PDE1C: variants seen among roughly 807,000 people sequenced by gnomAD.
PDE1C encodes the protein dual specificity calcium/calmodulin-dependent 3',5'-cyclic nucleotide phosphodiesterase 1C.
In PDE1C, 62 loss-of-function variants were observed where a neutral mutation model predicts 93.1. The ratio of observed to expected loss-of-function variants is 0.67; its 90% CI spans 0.54 to 0.82. The LOEUF (loss-of-function observed/expected upper bound fraction) is 0.82. PDE1C is among the 40% of genes least tolerant of loss of function. PDE1C has a pLI of 0.00. For missense variants in PDE1C, 742 were observed against 884.6 expected, an observed-to-expected ratio of 0.84 and a Z score of 2.04; for synonymous variants, 325 against 310.1, an observed-to-expected ratio of 1.05 and a Z score of -0.50.
chr7:32,186,079 G>GTTTTTTT (rs1456318359), intron 2 of PDE1C, among the ~76,000 whole-genome samples: 1 of 90,818 alleles, frequency 1.1e-5, no homozygotes, highest in African/African-American at 4.2e-5. Flanking sequence ...TCCCTAATTT[G>GTTTTTTT]TTTTTTTGTT....
intron 2 of PDE1C, among the ~76,000 whole-genome samples, chr7:31,905,117 T>C (rs1267260570): frequency 6.6e-6 from 1 of 152,138 alleles, no homozygotes; most frequent in Non-Finnish European, 1.5e-5. Flanking sequence ...TTTAATATAA[T>C]GAACACTTAA....
intron 17 of PDE1C, among the ~76,000 whole-genome samples, chr7:31,773,442 C>T (rs756015750): frequency 2.7e-5 from 4 of 146,836 alleles, no homozygotes; most frequent in African/African-American, 1.1e-4. Flanking sequence ...AGAAATCCCA[C>T]CTGATCTAGC....
At chr7:31,950,862 T>C (rs1807272497) in intron 2 of PDE1C, among the ~76,000 whole-genome samples, 1 of 152,194 alleles carries the variant, frequency 6.6e-6, no homozygotes, top group African/African-American at 2.4e-5. Flanking sequence ...AGGTACAGCA[T>C]ATCCTGAGTG....
chr7:31,726,041 A>T, the PDE1C span, among the ~76,000 whole-genome samples: 3 of 152,294 alleles, frequency 2.0e-5, no homozygotes, highest in East Asian at 5.8e-4. Flanking sequence ...TTTTCACGTG[A>T]CTTTTACAGA....
the PDE1C span, chr7:31,655,641 GCAT>G: frequency 1.5e-6 from 1 of 649,938 alleles, no homozygotes; most frequent in Non-Finnish European, 1.9e-6. Flanking sequence ...GCCTCCCACT[GCAT>G]CATCCCTTTT....
chr7:32,345,477 C>T (rs1783834720), intron 1 of PDE1C, among the ~76,000 whole-genome samples: 2 of 152,068 alleles, frequency 1.3e-5, no homozygotes, highest in Non-Finnish European at 2.9e-5. Context: ...AAGCATGAAC[C>T]ATAAGAGAAA....
chr7:31,677,399 C>T, the PDE1C span, among the ~76,000 whole-genome samples: 4 of 152,096 alleles, frequency 2.6e-5, no homozygotes, highest in African/African-American at 9.7e-5. Flanking sequence ...ATGCAAATAC[C>T]TTAAACTATC....
intron 1 of PDE1C, among the ~76,000 whole-genome samples, chr7:32,309,120 A>T (rs1259917657): frequency 6.7e-6 from 1 of 148,870 alleles, no homozygotes; most frequent in African/African-American, 2.5e-5. Context: ...CTCAGGAGCC[A>T]ATGCAATCAA....
intron 2 of PDE1C, among the ~76,000 whole-genome samples, chr7:32,181,861 G>A (rs950991137): frequency 1.3e-5 from 2 of 152,188 alleles, no homozygotes; most frequent in Non-Finnish European, 2.9e-5. Flanking sequence ...GAATCCAGGA[G>A]CTGGTTTTTT....
intron 2 of PDE1C, among the ~76,000 whole-genome samples, chr7:31,997,800 T>G (rs1784909589): frequency 6.6e-6 from 1 of 152,144 alleles, no homozygotes; most frequent in South Asian, 2.1e-4. Context: ...AAGCCATTTC[T>G]TTGTCTCAAA....
the PDE1C span, among the ~76,000 whole-genome samples, chr7:31,718,886 C>T: frequency 3.7e-3 from 570 of 152,284 alleles, 11 homozygotes; most frequent in Admixed American, 0.034. Context: ...GTCTGAAACA[C>T]CCTACAGAGT....
At chr7:32,427,649 C>T (rs1785561631) in intron 1 of PDE1C, among the ~76,000 whole-genome samples, 1 of 152,190 alleles carries the variant, frequency 6.6e-6, no homozygotes, top group African/African-American at 2.4e-5. Context: ...AAAGATAAGC[C>T]TTCTGAAATA....
At chr7:32,050,990 T>C (rs948690237) in intron 2 of PDE1C, among the ~76,000 whole-genome samples, 3 of 151,898 alleles carry the variant, frequency 2.0e-5, no homozygotes, top group Admixed American at 2.0e-4. Context: ...TGGCTCCTTA[T>C]GCCAAAGAGT....
intron 3 of PDE1C, among the ~76,000 whole-genome samples, chr7:32,102,087 T>C (rs6969755): frequency 0.68 from 104,149 of 152,058 alleles, 36,381 homozygotes; most frequent in Middle Eastern, 0.81. Context: ...ACCCAAATAT[T>C]TCCCACTAGG....
intron 1 of PDE1C, among the ~76,000 whole-genome samples, chr7:32,407,476 T>C (rs1394951838): frequency 6.6e-6 from 1 of 152,106 alleles, no homozygotes; most frequent in Non-Finnish European, 1.5e-5. Flanking sequence ...TCCCCCATGA[T>C]CCTCTTCCTG....
intron 2 of PDE1C, among the ~76,000 whole-genome samples, chr7:32,185,946 C>T (rs1803820003): frequency 6.6e-6 from 1 of 152,078 alleles, no homozygotes; most frequent in Non-Finnish European, 1.5e-5. Flanking sequence ...AATTTCATTG[C>T]CTTTTTAAAG....
At chr7:31,934,536 G>C (rs1804756244) in intron 2 of PDE1C, among the ~76,000 whole-genome samples, 1 of 142,752 alleles carries the variant, frequency 7.0e-6, no homozygotes, top group African/African-American at 2.6e-5. Context: ...AACATTTCCA[G>C]CAAATTCAAT....
intron 14 of PDE1C, 133 bp from the exon 15 acceptor site, chr7:31,816,287 T>G: frequency 1.3e-6 from 1 of 751,542 alleles, no homozygotes. Context: ...TTTGCTTAAT[T>G]CATCAGATTG....
intron 3 of PDE1C, among the ~76,000 whole-genome samples, chr7:32,124,846 T>A (rs1799486701): frequency 6.6e-6 from 1 of 152,092 alleles, no homozygotes; most frequent in Non-Finnish European, 1.5e-5. Context: ...CAAAAGCAAT[T>A]GCAACAAGAG....
Sources: gnomAD v4.1 joint callset for allele counts (sites outside exome capture counted in the v4.1 genomes callset) on GRCh38, gnomAD v4.1.1 for gene constraint, MANE v1.5 for transcripts, NCBI Gene and HGNC (gene_info 2026-07-23, HGNC 2026-07-21) for gene names.